The following PDS5A variants were observed in gnomAD, a reference collection of about 807,000 sequenced individuals.
The protein encoded by PDS5A is sister chromatid cohesion protein PDS5 homolog A.
A neutral mutation model predicts 167.1 loss-of-function variants in PDS5A; 42 were observed. The ratio of observed to expected loss-of-function variants is 0.25; its 90% confidence interval spans 0.20 to 0.33. The LOEUF is 0.33. PDS5A is among the 10% of genes least tolerant of loss of function. The pLI is 1.00. For missense variants in PDS5A, 1,033 were observed against 1,605.9 expected (o/e 0.64, Z 6.10); for synonymous variants, 553 against 554.6 (o/e 1.00, Z 0.04).
chr4:39,901,271 T>C (rs965170791), intron 13 of PDS5A, among the ~76,000 whole-genome samples: 5 of 132,346 alleles, frequency 3.8e-5, no homozygotes, highest in African/African-American at 1.3e-4. Flanking sequence ...TCTTTCTTTT[T>C]TTTTTTTTTT....
intron 20 of PDS5A, 37 bp downstream of exon 20, chr4:39,874,252 A>C (rs1315445818): frequency 6.4e-7 from 1 of 1,563,292 alleles, no homozygotes; most frequent in Admixed American, 1.9e-5. Context: ...TTAAAAAATA[A>C]AGACCAATAT....
chr4:39,898,409 T>C lies in PDS5A; in HGVS notation c.1750A>G (p.Lys584Glu). 3 of 1,578,752 alleles carry C rather than the reference T, an allele frequency of 1.9e-6. No individual in the cohort carries two copies. Among genetic ancestry groups the C allele is most frequent in the Non-Finnish European group, 2.6e-6 (3 of 1,162,022 alleles). ...ELLISPTCSCKQADICVREIA... is the reference protein window; with the variant it reads ...ELLISPTCSCEQADICVREIA... The stretch of plus-strand genomic sequence containing the variant: ...CTAACCACACAAATATCTGCTTGTT[T>C]GCAAGAACAGGTTGGGCTAATTAAT... Residue 584 changes from lysine to glutamate, a missense_variant, in exon 16 of 33, where the codon AAA (lysine) becomes GAA (glutamate). By Grantham distance (56) the Lys-to-Glu change is moderately conservative (BLOSUM62 1). This residue lies in a region of PDS5A where 367 missense variants were observed against 686.7 expected (regional missense o/e 0.53). Coordinates refer to ENST00000303538, the MANE Select transcript of PDS5A (RefSeq NM_001100399.2).
chr4:39,976,579 C>T lies in PDS5A; in HGVS notation c.-2G>A. On this transcript the variant is annotated 5_prime_UTR_variant, in exon 2 of 33. Coordinates refer to ENST00000303538, the MANE Select transcript of PDS5A (RefSeq NM_001100399.2). ...CTTGGGCTGCGCGGTGAAGTCCATC[C>T]TGGGGGACAACTTTTGGTTCACAGT... 1 of 1,608,836 alleles carries T rather than the reference C, an allele frequency of 6.2e-7. No homozygotes were observed. Among genetic ancestry groups the T allele is most frequent in the South Asian group, 1.1e-5 (1 of 90,738 alleles).
chr4:39,965,109 G>C (rs983452086), intron 2 of PDS5A, among the ~76,000 whole-genome samples: 1 of 152,124 alleles, frequency 6.6e-6, no homozygotes, highest in African/African-American at 2.4e-5. Context: ...TATGAGCTGG[G>C]TTATGACAAC....
intron 2 of PDS5A, chr4:39,973,277 G>C: frequency 1.2e-6 from 2 of 1,600,660 alleles, no homozygotes. Context: ...TGCTCTTGAG[G>C]GGCAGATGCC....
chr4:39,911,586 A>C (rs1410722260), intron 9 of PDS5A, among the ~76,000 whole-genome samples: 2 of 151,878 alleles, frequency 1.3e-5, no homozygotes, highest in African/African-American at 2.4e-5. Flanking sequence ...CAATCTCAGC[A>C]CTTTGGGAGG....
In PDS5A at chr4:39,824,909, A is replaced by G. The variant is rs545444318; in HGVS notation, c.*576T>C. 1 of 152,814 alleles carries G rather than the reference A, an allele frequency of 6.5e-6. No individual in the cohort carries two copies. Among genetic ancestry groups the G allele is most frequent in the Admixed American group, 6.5e-5 (1 of 15,308 alleles). The allele number at this position is 152,814 out of a possible 1,614,324, so 9.5% of individuals were successfully genotyped here. On this transcript the variant is annotated 3_prime_UTR_variant, in exon 33 of 33. Coordinates refer to ENST00000303538, the MANE Select transcript of PDS5A (RefSeq NM_001100399.2). ...TTCATAGCAGGGAACCGAAATCTGTACATCTCATTTTTGCAGAAAAGTAGG... is the reference window on the plus strand; with the variant it reads ...TTCATAGCAGGGAACCGAAATCTGTGCATCTCATTTTTGCAGAAAAGTAGG...
chr4:39,923,638 A>AACACACACACACACAC (rs10664167), intron 5 of PDS5A, among the ~76,000 whole-genome samples: 7,621 of 125,054 alleles, frequency 0.061, 243 homozygotes, highest in Non-Finnish European at 0.069. Context: ...CCTGTCTCAA[A>AACACACACACACACAC]ACACACACAC....
intron 2 of PDS5A, among the ~76,000 whole-genome samples, chr4:39,957,322 AAAAAAG>A (rs1375381389): frequency 6.6e-6 from 1 of 152,222 alleles, no homozygotes; most frequent in South Asian, 2.1e-4. Context: ...ATCGCAAGAA[AAAAAAG>A]AAAAAGAAAA....
At chr4:39,863,120 A>G in intron 24 of PDS5A, 47 bp from the exon 25 acceptor site, 1 of 1,411,582 alleles carries the variant, frequency 7.1e-7, no homozygotes, top group South Asian at 1.2e-5. Context: ...TTATTAAATA[A>G]AAAACAGCAG....
chr4:39,898,920 G>A, intron 14 of PDS5A, 95 bp from the exon 15 acceptor site: 1 of 777,524 alleles, frequency 1.3e-6, no homozygotes, highest in Middle Eastern at 2.5e-4. Context: ...CATTTTTCAT[G>A]ACGTTAAAAA....
intron 26 of PDS5A, among the ~76,000 whole-genome samples, chr4:39,852,067 T>C (rs1195994643): frequency 6.6e-6 from 1 of 152,178 alleles, no homozygotes; most frequent in Non-Finnish European, 1.5e-5. Context: ...TTGAAGTAAC[T>C]GGAAAAAAGT....
chr4:39,843,301 C>T (rs562544724), intron 30 of PDS5A, among the ~76,000 whole-genome samples: 7 of 152,134 alleles, frequency 4.6e-5, no homozygotes, highest in South Asian at 2.1e-4. Context: ...CCTACTAAAG[C>T]GCTGGGATCA....
Position 39,848,944 on chromosome 4 carries a change from A to G in PDS5A, c.3246T>C (p.Ala1082=). The G allele has an allele frequency of 6.2e-7, 1 of 1,602,184 alleles. No homozygotes were observed. The highest frequency in any genetic ancestry group is 8.5e-7 in the Non-Finnish European group (1 of 1,171,794). The change falls in exon 28 of 33, where the codon GCT becomes GCC. Residue 1082 remains alanine, a synonymous_variant. Coordinates refer to ENST00000303538, the MANE Select transcript of PDS5A (RefSeq NM_001100399.2). ...CACTTTTACTATTTATAACACAGAG[A>G]GCCACATCACATACTGTATACAGTT... ...NEKLYTVCDV[A]LCVINSKSAL...
At position 39,945,276 on chromosome 4, in the gene PDS5A, T is replaced by G. The variant is rs774470887; in HGVS notation, c.139-17112A>C. On this transcript the variant is annotated intron_variant, in intron 2 of 32. Coordinates refer to ENST00000303538, the MANE Select transcript of PDS5A (RefSeq NM_001100399.2). ...GAGATCGAGACCATCCTGGCTAACATGGTGAAACCCCCGTCTCTACTAAAA... is the reference window on the plus strand; with the variant it reads ...GAGATCGAGACCATCCTGGCTAACAGGGTGAAACCCCCGTCTCTACTAAAA... Among the ~76,000 whole-genome samples, 67 of 151,580 alleles carry G rather than the reference T, an allele frequency of 4.4e-4. 1 individual carries two copies. The highest frequency in any genetic ancestry group is 7.9e-4 in the Admixed American group (12 of 15,182).
chr4:39,853,302 C>A (rs1428001532), intron 26 of PDS5A, among the ~76,000 whole-genome samples: 1 of 152,192 alleles, frequency 6.6e-6, no homozygotes, highest in Admixed American at 6.5e-5. Flanking sequence ...TCTTTGGCTT[C>A]TTGACAGCTA....
intron 17 of PDS5A, among the ~76,000 whole-genome samples, chr4:39,882,854 G>A (rs773137477): frequency 1.2e-4 from 18 of 152,098 alleles, no homozygotes; most frequent in East Asian, 9.7e-4. Flanking sequence ...TGAAAAAGAC[G>A]ATCTCAAGTG....
intron 2 of PDS5A, among the ~76,000 whole-genome samples, chr4:39,958,602 T>C (rs1473859232): frequency 2.2e-5 from 2 of 91,948 alleles, no homozygotes; most frequent in Admixed American, 1.2e-4. Context: ...ACTCATTTCT[T>C]GTCTTTTTTT....
chr4:39,880,501 A>G (rs1310434976), intron 17 of PDS5A, among the ~76,000 whole-genome samples: 4 of 152,190 alleles, frequency 2.6e-5, no homozygotes. Flanking sequence ...AGATCAGTAA[A>G]CTGAAGAAGA....
Sources: allele counts gnomAD v4.1 joint callset (sites outside exome capture counted in the v4.1 genomes callset), GRCh38; gene constraint gnomAD v4.1.1; regional missense constraint gnomAD v4.1.1; transcripts MANE v1.5; gene names NCBI Gene and HGNC (gene_info 2026-07-23, HGNC 2026-07-21).